Variants in TNFRSF8 observed in about 807,000 individuals in gnomAD.
The protein encoded by TNFRSF8 is tumor necrosis factor receptor superfamily member 8.
In TNFRSF8, 26 loss-of-function variants were observed where a neutral mutation model predicts 70.8. The ratio of observed to expected loss-of-function variants is 0.37; its 90% confidence interval spans 0.27 to 0.51. The LOEUF (loss-of-function observed/expected upper bound fraction) is 0.51, where lower values mean the gene tolerates loss of function less well. Among genes scored for constraint, TNFRSF8 ranks in the 20% least tolerant of loss-of-function variants. The pLI is 0.94. For missense variants in TNFRSF8, 720 were observed against 807.9 expected (o/e 0.89, Z 1.32); for synonymous variants, 356 against 339.2 (o/e 1.05, Z -0.54).
At chr1:12,117,448 G>T (rs1327932457) in intron 8 of TNFRSF8, among the ~76,000 whole-genome samples, 1 of 152,160 alleles carries the variant, frequency 6.6e-6, no homozygotes, top group Non-Finnish European at 1.5e-5. Context: ...CACTAGTGGG[G>T]TGCTGTCACT....
intron 1 of TNFRSF8, among the ~76,000 whole-genome samples, chr1:12,065,500 C>A (rs1226479184): frequency 6.6e-6 from 1 of 152,190 alleles, no homozygotes; most frequent in Admixed American, 6.6e-5. Context: ...TTGACACCGC[C>A]TCATCCTGAT....
At chr1:12,124,848 C>G (rs1641903409) in intron 10 of TNFRSF8, among the ~76,000 whole-genome samples, 1 of 145,384 alleles carries the variant, frequency 6.9e-6, no homozygotes, top group African/African-American at 2.5e-5. Flanking sequence ...CAAAACAAAA[C>G]AAAACAAAAC....
chr1:12,073,443 C>T (rs1640882317), intron 1 of TNFRSF8, among the ~76,000 whole-genome samples: 3 of 147,128 alleles, frequency 2.0e-5, no homozygotes, highest in Admixed American at 2.0e-4. Context: ...TCTCTCTTTT[C>T]TTCCTTCCTT....
At chr1:12,111,748 C>A in intron 6 of TNFRSF8, 150 bp from the exon 7 acceptor site, 1 of 693,980 alleles carries the variant, frequency 1.4e-6, no homozygotes, top group Non-Finnish European at 2.6e-6. Flanking sequence ...CCTCTCTGAG[C>A]CTCAGGACTC....
intron 2 of TNFRSF8, among the ~76,000 whole-genome samples, chr1:12,092,486 C>T (rs1188206161): frequency 1.3e-5 from 2 of 150,704 alleles, no homozygotes; most frequent in Non-Finnish European, 3.0e-5. Context: ...TCCAATTTTC[C>T]CCTTTTCTTT....
intron 10 of TNFRSF8, among the ~76,000 whole-genome samples, chr1:12,125,333 C>A (rs1296359022): frequency 2.6e-5 from 4 of 152,172 alleles, no homozygotes; most frequent in Admixed American, 6.5e-5. Context: ...CTGGCCTGGG[C>A]TGGGGCTCTG....
rs1415924879 is a variant in TNFRSF8, at chr1:12,123,330, C to G, written c.993C>G (p.Thr331=). 6.2e-7 allele frequency: 1 copy of G among 1,613,326 alleles called. No homozygotes were observed. The highest frequency in any genetic ancestry group is 1.3e-5 in the African/African-American group (1 of 74,910). ...DTTFEAPPLG[T]QPDCNPTPEN... The stretch of plus-strand genomic sequence containing the variant: ...CCTTTGAGGCGCCACCCCTGGGGAC[C>G]CAGCCGGACTGCAACCCCACCCCAG... Residue 331 remains threonine, a synonymous_variant, in exon 9 of 15, where the codon ACC becomes ACG. Coordinates refer to ENST00000263932, the MANE Select transcript of TNFRSF8 (RefSeq NM_001243.5).
intron 2 of TNFRSF8, among the ~76,000 whole-genome samples, chr1:12,090,507 C>T (rs1641231736): frequency 6.6e-6 from 1 of 150,434 alleles, no homozygotes; most frequent in Non-Finnish European, 1.5e-5. Context: ...CACCCACCCA[C>T]TCATCCATCC....
At position 12,098,745 on chromosome 1, in the gene TNFRSF8, C is replaced by T. The variant is rs559908816; in HGVS notation, c.268+1528C>T. Among the ~76,000 whole-genome samples the T allele has an allele frequency of 7.4e-4, 112 of 151,876 alleles. 1 individual carries two copies. The Middle Eastern group carries it at 0.01, about 14-fold the overall frequency. On this transcript the variant is annotated intron_variant, in intron 3 of 14. Transcript: ENST00000263932. ...ATCAGTAAGTGGTTAATAATCATTT[C>T]AGAATCTACTATCTCTTGCAGTAAA...
At chr1:12,079,898 A>G (rs111829649) in intron 1 of TNFRSF8, among the ~76,000 whole-genome samples, 2,401 of 150,942 alleles carry the variant, frequency 0.016, 59 homozygotes, top group African/African-American at 0.055. Context: ...CTCTCTTTAC[A>G]TATACTTATC....
intron 8 of TNFRSF8, among the ~76,000 whole-genome samples, chr1:12,116,077 G>A (rs1210510241): frequency 6.6e-6 from 1 of 152,144 alleles, no homozygotes; most frequent in Admixed American, 6.5e-5. Flanking sequence ...CACCTCCTGG[G>A]TTCAAGCAAT....
chr1:12,065,603 C>A (rs1163792308), intron 1 of TNFRSF8, among the ~76,000 whole-genome samples: 1 of 152,078 alleles, frequency 6.6e-6, no homozygotes, highest in Non-Finnish European at 1.5e-5. Flanking sequence ...TTTTAATAGA[C>A]ATATATATAG....
At position 12,112,013 on chromosome 1, in the gene TNFRSF8, AGGTAAG is replaced by A. The variant is rs1641642581; in HGVS notation, c.793+2_793+7del. ...GCACGGCCTGCGTGAGCTGTTCTCG[AGGTAAG>A]GGCCTCGTCCCTCCCCGGGCCTCAG... On this transcript the variant is annotated splice_donor_variant and splice_donor_5th_base_variant and coding_sequence_variant and intron_variant, in exon 7 of 15. Coordinates refer to ENST00000263932, the MANE Select transcript of TNFRSF8 (RefSeq NM_001243.5). LOFTEE classifies it high-confidence loss of function. The surrounding 1 kb of genome is among the most constrained non-coding windows in gnomAD (Gnocchi z 5.3). 1 of 1,613,248 alleles carries A rather than the reference AGGTAAG, an allele frequency of 6.2e-7. No homozygotes were observed. Among genetic ancestry groups the A allele is most frequent in the South Asian group, 1.1e-5 (1 of 91,054 alleles).
intron 9 of TNFRSF8, 145 bp from the exon 10 acceptor site, chr1:12,123,570 C>T (rs779237941): frequency 3.7e-5 from 34 of 913,292 alleles, no homozygotes; most frequent in Non-Finnish European, 4.9e-5. Flanking sequence ...AGTCCCTGCC[C>T]TCAAAATGCC....
chr1:12,116,815 C>A (rs1641739986), intron 8 of TNFRSF8, among the ~76,000 whole-genome samples: 1 of 151,862 alleles, frequency 6.6e-6, no homozygotes, highest in Admixed American at 6.6e-5. Context: ...GAAAAAAAAC[C>A]AAGTGGAGGG....
chr1:12,123,443 G>GCATCCCCT, intron 9 of TNFRSF8, 66 bp downstream of exon 9: 2 of 1,451,594 alleles, frequency 1.4e-6, no homozygotes, highest in Non-Finnish European at 1.9e-6. Flanking sequence ...CCATGCCCAG[G>GCATCCCCT]GGATGCCTGG....
At chr1:12,079,232 C>T (rs971538343) in intron 1 of TNFRSF8, among the ~76,000 whole-genome samples, 2 of 152,152 alleles carry the variant, frequency 1.3e-5, no homozygotes, top group African/African-American at 4.8e-5. Context: ...AATAGACAGA[C>T]CTGAAAATGG....
Position 12,110,198 on chromosome 1 carries a change from G to C in TNFRSF8, c.670G>C (p.Asp224His), listed in dbSNP as rs750594263. 22 of 1,583,510 alleles carry C rather than the reference G, an allele frequency of 1.4e-5. No homozygotes were observed. Among genetic ancestry groups the C allele is most frequent in the Non-Finnish European group, 1.5e-5 (18 of 1,163,016 alleles). The part of the protein sequence containing the change: ...SPSSVGRPSS[D>H]PGLSPTQPCP... ...CTCCTCTGTGGGAAGGCCTAGTTCA[G>C]ATCCAGGTAATTTCCCCATGAAGCT... The change falls in exon 6 of 15, where the codon GAT becomes CAT. Residue 224 changes from aspartate (D) to histidine (H), a missense_variant. By Grantham distance (81) the Asp-to-His change is moderately conservative. Coordinates refer to ENST00000263932, the MANE Select transcript of TNFRSF8 (RefSeq NM_001243.5). The surrounding 1 kb of genome is among the most constrained non-coding windows in gnomAD (Gnocchi z 4.0).
chr1:12,094,556 C>CA (rs1233498509), intron 2 of TNFRSF8, among the ~76,000 whole-genome samples: 1 of 150,610 alleles, frequency 6.6e-6, no homozygotes, highest in Non-Finnish European at 1.5e-5. Flanking sequence ...ATTTACCTCT[C>CA]AGACTACTGG....
Sources: allele counts gnomAD v4.1 joint callset (sites outside exome capture counted in the v4.1 genomes callset), GRCh38; gene constraint gnomAD v4.1.1; non-coding constraint Gnocchi (gnomAD v3.1); transcripts MANE v1.5; gene names NCBI Gene and HGNC (gene_info 2026-07-23, HGNC 2026-07-21).